CLUAP1: variants seen among roughly 807,000 people sequenced by gnomAD.
The protein encoded by CLUAP1 is clusterin-associated protein 1.
CLUAP1 carries 50 observed loss-of-function variants against 55.0 expected under a neutral mutation model. That is an observed-to-expected ratio of 0.91 (90% confidence interval 0.72 to 1.15). The LOEUF (loss-of-function observed/expected upper bound fraction) is 1.15, where lower values mean the gene tolerates loss of function less well. Among genes scored for constraint, CLUAP1 ranks in the 50% most tolerant of loss-of-function variants. The probability of loss-of-function intolerance (pLI) is 0.00; values close to 1 mark genes in which losing one functional copy is unlikely to be tolerated. For synonymous variants in CLUAP1, 195 were observed against 175.4 expected (o/e 1.11, Z -0.88); for missense variants, 530 against 507.6 (o/e 1.04, Z -0.42).
chr16:3,517,197 T>A (rs2037744643), intron 6 of CLUAP1, among the ~76,000 whole-genome samples: 2 of 151,720 alleles, frequency 1.3e-5, no homozygotes, highest in South Asian at 4.2e-4. Context: ...CAACCTCGGC[T>A]CATTGCAACC....
At chr16:3,507,908 C>T (rs2037541280) in intron 3 of CLUAP1, among the ~76,000 whole-genome samples, 1 of 152,050 alleles carries the variant, frequency 6.6e-6, no homozygotes, top group South Asian at 2.1e-4. Flanking sequence ...CATGGATTTG[C>T]CATAATTTAT....
intron 5 of CLUAP1, among the ~76,000 whole-genome samples, chr16:3,512,742 G>A (rs570247423): frequency 5.4e-4 from 82 of 152,094 alleles, no homozygotes; most frequent in East Asian, 7.7e-4. Flanking sequence ...GTGCAGTGGC[G>A]CAATCTCGTC....
chr16:3,500,137 C>T (rs554947604), upstream of CLUAP1, among the ~76,000 whole-genome samples: 3 of 152,362 alleles, frequency 2.0e-5, no homozygotes, highest in East Asian at 1.9e-4. Context: ...CTGCCGTCTC[C>T]TCGCGCCCCC....
chr16:3,506,192 T>G, intron 2 of CLUAP1, 139 bp from the exon 3 acceptor site: 1 of 663,998 alleles, frequency 1.5e-6, no homozygotes, highest in Non-Finnish European at 2.7e-6. Flanking sequence ...TTTTGAAGTT[T>G]GCCTTGATCT....
At chr16:3,517,686 CAA>C (rs2151054838) in intron 6 of CLUAP1, among the ~76,000 whole-genome samples, 1 of 152,294 alleles carries the variant, frequency 6.6e-6, no homozygotes, top group South Asian at 2.1e-4. Flanking sequence ...CCCCCTTAAT[CAA>C]GAGATCAAAG....
intron 7 of CLUAP1, among the ~76,000 whole-genome samples, chr16:3,522,802 A>G (rs1027492105): frequency 1.3e-5 from 2 of 151,552 alleles, no homozygotes; most frequent in East Asian, 1.9e-4. Flanking sequence ...TTTTTTTTTT[A>G]AATGCATTCC....
chr16:3,501,065 G>C lies in CLUAP1; in HGVS notation c.-3G>C. 2 of 1,600,098 alleles carry C rather than the reference G, an allele frequency of 1.2e-6. No individual in the cohort carries two copies. The highest frequency in any genetic ancestry group is 1.3e-5 in the African/African-American group (1 of 74,894). Reference sequence around the variant, plus strand: ...ACCCTGGGCTCCTGGGGACCTGAGCGTTATGTCTTTCCGCGACCTCCGCAG... The same window carrying C: ...ACCCTGGGCTCCTGGGGACCTGAGCCTTATGTCTTTCCGCGACCTCCGCAG... On this transcript the variant is annotated 5_prime_UTR_variant, in exon 1 of 12. Coordinates refer to ENST00000576634, the MANE Select transcript of CLUAP1 (RefSeq NM_015041.3).
upstream of CLUAP1, chr16:3,496,662 G>C (rs1351916912): frequency 3.8e-6 from 2 of 532,788 alleles, no homozygotes; most frequent in African/African-American, 3.8e-5. Context: ...CGGCATTTCG[G>C]CAAGGCCCTG....
At chr16:3,497,029 C>T (rs1230963077), upstream of CLUAP1, among the ~76,000 whole-genome samples, 1 of 152,016 alleles carries the variant, frequency 6.6e-6, no homozygotes, top group Non-Finnish European at 1.5e-5. Flanking sequence ...CACCACCACG[C>T]CCAACGGATC....
At chr16:3,516,231 A>C (rs919167637) in intron 6 of CLUAP1, among the ~76,000 whole-genome samples, 4 of 152,248 alleles carry the variant, frequency 2.6e-5, no homozygotes, top group African/African-American at 9.6e-5. Flanking sequence ...ATTGATAATC[A>C]GTCATCACTG....
chr16:3,502,854 G>T (rs1043227872), intron 1 of CLUAP1, among the ~76,000 whole-genome samples: 6 of 152,150 alleles, frequency 3.9e-5, no homozygotes, highest in Non-Finnish European at 7.3e-5. Flanking sequence ...TGCAGTGTAT[G>T]GTAAGGATCT....
At chr16:3,503,642 G>T (rs1370401106) in intron 1 of CLUAP1, among the ~76,000 whole-genome samples, 1 of 152,142 alleles carries the variant, frequency 6.6e-6, no homozygotes, top group Non-Finnish European at 1.5e-5. Flanking sequence ...TGTCACCCAG[G>T]CTGGAGTGCA....
chr16:3,515,613 A>G (rs753514359), intron 6 of CLUAP1, 22 bp downstream of exon 6: 4 of 1,522,496 alleles, frequency 2.6e-6, no homozygotes, highest in Non-Finnish European at 3.6e-6. Context: ...TTGCTTTTAT[A>G]TAATGTTTTT....
chr16:3,515,365 A>G, intron 5 of CLUAP1, 143 bp from the exon 6 acceptor site: 1 of 596,784 alleles, frequency 1.7e-6, no homozygotes, highest in Non-Finnish European at 2.9e-6. Context: ...ATAGGAGGTG[A>G]TGGTGGCAGT....
intron 9 of CLUAP1, among the ~76,000 whole-genome samples, chr16:3,527,007 C>A (rs1259800331): frequency 1.3e-5 from 2 of 152,046 alleles, no homozygotes; most frequent in Non-Finnish European, 2.9e-5. Context: ...TCCAGAATGG[C>A]TCAGCAAGAC....
intron 9 of CLUAP1, among the ~76,000 whole-genome samples, chr16:3,529,555 ATATT>A (rs1194961695): frequency 3.8e-5 from 2 of 52,186 alleles, no homozygotes; most frequent in Non-Finnish European, 6.4e-5. Context: ...TATATATTAT[ATATT>A]ATTATATATT....
chr16:3,533,022 T>C, intron 11 of CLUAP1, 181 bp downstream of exon 11: 1 of 1,401,930 alleles, frequency 7.1e-7, no homozygotes, highest in Non-Finnish European at 9.8e-7. Context: ...CGTGGATGGC[T>C]CATCTCTTTT....
At chr16:3,507,260 A>G (rs960832951) in intron 3 of CLUAP1, among the ~76,000 whole-genome samples, 3 of 151,936 alleles carry the variant, frequency 2.0e-5, no homozygotes, top group Admixed American at 2.0e-4. Context: ...ATGGCTCACA[A>G]ATTGAAAGTA....
At chr16:3,522,232 C>A (rs753524049) in intron 7 of CLUAP1, among the ~76,000 whole-genome samples, 1 of 151,946 alleles carries the variant, frequency 6.6e-6, no homozygotes, top group Non-Finnish European at 1.5e-5. Context: ...GGCGCAATCT[C>A]GGCTCACTGC....
Sources: gnomAD v4.1 joint callset for allele counts (sites outside exome capture counted in the v4.1 genomes callset) on GRCh38, gnomAD v4.1.1 for gene constraint, MANE v1.5 for transcripts, NCBI Gene and HGNC (gene_info 2026-07-23, HGNC 2026-07-21) for gene names.